TCEA1: variants seen among roughly 807,000 people sequenced by gnomAD.
TCEA1 encodes the protein transcription elongation factor A1, also known as transcription elongation factor A protein 1.
In TCEA1, 21 loss-of-function variants were observed where a neutral mutation model predicts 43.8. The observed-to-expected ratio is 0.48, with a 90% CI of 0.34 to 0.69. The LOEUF (loss-of-function observed/expected upper bound fraction) is 0.69. Among genes scored for constraint, TCEA1 ranks in the 30% least tolerant of loss-of-function variants. The pLI is 0.01. For synonymous variants in TCEA1, 104 were observed against 117.5 expected (o/e 0.88, Z 0.75); for missense variants, 250 against 365.1 (o/e 0.68, Z 2.57).
At chr8:54,014,040 C>T (rs1293684928) in intron 1 of TCEA1, among the ~76,000 whole-genome samples, 2 of 152,152 alleles carry the variant, frequency 1.3e-5, no homozygotes, top group Admixed American at 6.6e-5. Flanking sequence ...CCCTTTCTGA[C>T]ATCAGGGAAT....
At position 53,970,505 on chromosome 8, in the gene TCEA1, T is replaced by TA. The variant is rs1563458140; in HGVS notation, c.826-43dup. On this transcript the variant is annotated intron_variant, in intron 8 of 9. Transcript: ENST00000521604. ...TTAAATGTACTTTTTGCAGTACTAT[T>TA]AAAAAACCCAACCCAAATAATGTTA... 2.5e-6 allele frequency: 3 copies of TA among 1,182,098 alleles called. No homozygotes were observed. In the South Asian group the frequency reaches 4.1e-5, roughly 16 times the overall value. 73.2% of individuals were successfully genotyped at this position (1,182,098 alleles called of 1,614,324 possible).
At chr8:54,003,475 T>C (rs1405899432) in intron 2 of TCEA1, among the ~76,000 whole-genome samples, 7 of 152,310 alleles carry the variant, frequency 4.6e-5, no homozygotes, top group Non-Finnish European at 8.8e-5. Flanking sequence ...CAAGATAGCA[T>C]AGTACTGGCA....
chr8:53,988,377 G>A, intron 4 of TCEA1, 118 bp from the exon 5 acceptor site: 1 of 1,257,008 alleles, frequency 8.0e-7, no homozygotes, highest in African/African-American at 1.5e-5. Flanking sequence ...CAGTATCTCA[G>A]TGACCTTTAT....
At chr8:53,996,901 G>GTTTTTTTTTTTTTTTTTTTT (rs1563494161) in intron 3 of TCEA1, among the ~76,000 whole-genome samples, 3 of 90,206 alleles carry the variant, frequency 3.3e-5, no homozygotes, top group African/African-American at 2.5e-4. Flanking sequence ...AAAGAAGGTT[G>GTTTTTTTTTTTTTTTTTTTT]TCTTTTTTTT....
chr8:54,022,021 G>T (rs763146669), intron 1 of TCEA1, 42 bp downstream of exon 1: 2 of 1,551,472 alleles, frequency 1.3e-6, no homozygotes, highest in Non-Finnish European at 1.7e-6. Context: ...GCCGGACCGC[G>T]GCCCGGCCTC....
intron 6 of TCEA1, among the ~76,000 whole-genome samples, chr8:53,986,358 T>C (rs1234893014): frequency 6.6e-6 from 1 of 152,228 alleles, no homozygotes; most frequent in Non-Finnish European, 1.5e-5. Flanking sequence ...CAGTTTAATC[T>C]GTGAAAGAAA....
chr8:54,013,188 T>C (rs923694512), intron 1 of TCEA1, among the ~76,000 whole-genome samples: 1 of 152,210 alleles, frequency 6.6e-6, no homozygotes, highest in Non-Finnish European at 1.5e-5. Context: ...TAAATTGTTT[T>C]CCAAGTAGAG....
At chr8:54,002,132 G>T (rs2129309418) in intron 2 of TCEA1, among the ~76,000 whole-genome samples, 1 of 151,228 alleles carries the variant, frequency 6.6e-6, no homozygotes, top group South Asian at 2.1e-4. Flanking sequence ...TCACACCACT[G>T]CGCTCCAGCT....
intron 4 of TCEA1, among the ~76,000 whole-genome samples, chr8:53,989,663 T>C (rs1803810091): frequency 6.6e-6 from 1 of 152,222 alleles, no homozygotes. Context: ...AAAACTAGGA[T>C]TTACTTTTCT....
chr8:53,975,531 A>C lies in TCEA1; in HGVS notation c.825+3494T>G, dbSNP rs80005781. 3.6e-3 allele frequency among the ~76,000 whole-genome samples: 545 copies of C among 152,352 alleles called. 4 individuals carry two copies. Among genetic ancestry groups the C allele is most frequent in the African/African-American group, 0.012 (516 of 41,576 alleles). On this transcript the variant is annotated intron_variant, in intron 8 of 9. Coordinates refer to ENST00000521604, the MANE Select transcript of TCEA1 (RefSeq NM_006756.4). ...GATGAATATACAAAATGTGGTATGA[A>C]CATACAATGGAATATTATCCAGCCG...
At chr8:53,986,715 T>C (rs1005515864) in intron 6 of TCEA1, among the ~76,000 whole-genome samples, 1 of 152,204 alleles carries the variant, frequency 6.6e-6, no homozygotes, top group Non-Finnish European at 1.5e-5. Context: ...GGAAAAAGTC[T>C]AGCGTGGTGG....
chr8:54,022,362 C>A lies in TCEA1; in HGVS notation c.-237G>T. ...CACCGCGCGCGACGTGCAGGCGCTA[C>A]CAACTGACTGCAGATCGCTGGTGAG... On this transcript the variant is annotated 5_prime_UTR_variant, in exon 1 of 10. Coordinates refer to ENST00000521604, the MANE Select transcript of TCEA1 (RefSeq NM_006756.4). 1 of 565,786 alleles carries A rather than the reference C, an allele frequency of 1.8e-6. No homozygotes were observed. 35.0% of individuals were successfully genotyped at this position (565,786 alleles called of 1,614,324 possible).
chr8:53,980,468 T>C (rs1803468531), intron 7 of TCEA1, among the ~76,000 whole-genome samples: 1 of 152,264 alleles, frequency 6.6e-6, no homozygotes, highest in South Asian at 2.1e-4. Flanking sequence ...GCTCATTTCA[T>C]GTCTCTGTGT....
Position 53,988,268 on chromosome 8 carries a change from C to G in TCEA1, c.321-9G>C. ...CATTGCCGCTGGAAGTACTGAAATA[C>G]GCACAAACACCCCAAAAAGAAATCA... On this transcript the variant is annotated splice_polypyrimidine_tract_variant and intron_variant, in intron 4 of 9. Coordinates refer to ENST00000521604, the MANE Select transcript of TCEA1 (RefSeq NM_006756.4). 1 of 1,608,176 alleles carries G rather than the reference C, an allele frequency of 6.2e-7. No homozygotes were observed. Among genetic ancestry groups the G allele is most frequent in the South Asian group, 1.1e-5 (1 of 90,894 alleles).
chr8:53,996,747 AAATT>A (rs1563493932), intron 3 of TCEA1, among the ~76,000 whole-genome samples: 1 of 114,340 alleles, frequency 8.7e-6, no homozygotes, highest in South Asian at 2.1e-4. Flanking sequence ...AAGGTAATAT[AAATT>A]AAGTACACAC....
intron 1 of TCEA1, among the ~76,000 whole-genome samples, chr8:54,018,432 C>T (rs1442236941): frequency 6.6e-6 from 1 of 152,144 alleles, no homozygotes; most frequent in Non-Finnish European, 1.5e-5. Flanking sequence ...GGCCCACAAT[C>T]CTACACTAGA....
chr8:53,973,025 T>A (rs376613376), intron 8 of TCEA1: 74 of 673,956 alleles, frequency 1.1e-4, no homozygotes, highest in African/African-American at 1.1e-3. Context: ...ATTACAACAC[T>A]CAACAGGAAG....
At chr8:53,973,312 AAG>A (rs1273088209) in intron 8 of TCEA1, 3 of 531,414 alleles carry the variant, frequency 5.6e-6, no homozygotes, top group Non-Finnish European at 1.1e-5. Context: ...AGAGATGGTC[AAG>A]AACAAATTGA....
Position 54,022,378 on chromosome 8 carries a change from C to A in TCEA1, c.-253G>T, listed in dbSNP as rs1586048951. The A allele has an allele frequency of 7.4e-6, 4 of 538,850 alleles. No individual in the cohort carries two copies. The East Asian group carries it at 1.4e-4, about 19-fold the overall frequency. The allele number at this position is 538,850 out of a possible 1,614,324, so 33.4% of individuals were successfully genotyped here. ...CAGGCGCTACCAACTGACTGCAGAT[C>A]GCTGGTGAGGGGCGAGCCCATGTTC... On this transcript the variant is annotated 5_prime_UTR_variant, in exon 1 of 10. Coordinates refer to ENST00000521604, the MANE Select transcript of TCEA1 (RefSeq NM_006756.4).
Sources: allele counts gnomAD v4.1 joint callset (sites outside exome capture counted in the v4.1 genomes callset), GRCh38; gene constraint gnomAD v4.1.1; transcripts MANE v1.5; gene names NCBI Gene and HGNC (gene_info 2026-07-23, HGNC 2026-07-21).